The following MAGI2 variants were observed in gnomAD, a reference collection of about 807,000 sequenced individuals.
MAGI2 encodes membrane-associated guanylate kinase, WW and PDZ domain-containing protein 2.
In MAGI2, 35 loss-of-function variants were observed where a neutral mutation model predicts 133.3. The observed-to-expected ratio is 0.26, with a 90% CI of 0.20 to 0.35. MAGI2 has a LOEUF of 0.35. MAGI2 is among the 10% of genes least tolerant of loss of function. MAGI2 has a pLI of 1.00. For missense variants in MAGI2, 1,636 were observed against 1,863.4 expected (o/e 0.88, Z 2.25); for synonymous variants, 729 against 710.6 (o/e 1.03, Z -0.41).
chr7:78,611,396 G>A (rs1029282869), intron 3 of MAGI2, among the ~76,000 whole-genome samples: 2 of 152,168 alleles, frequency 1.3e-5, no homozygotes, highest in South Asian at 2.1e-4. Context: ...AGCCCTCTTA[G>A]TAAATGTCCA....
intron 2 of MAGI2, among the ~76,000 whole-genome samples, chr7:78,669,987 A>AAGCATTCC (rs1290026064): frequency 6.6e-6 from 1 of 151,672 alleles, no homozygotes; most frequent in Non-Finnish European, 1.5e-5. Flanking sequence ...CAAAAACTGG[A>AAGCATTCC]AGCATTCCCT....
At position 79,311,394 on chromosome 7, in the gene MAGI2, G is replaced by A. The variant is rs182150882; in HGVS notation, c.301+141626C>T. ...GCGTTTTAAGAAAATTTATGAATTT[G>A]TGTTGTGCTGCATTCAAAGTCGTCC... On this transcript the variant is annotated intron_variant, in intron 1 of 21. Transcript: ENST00000354212. 2.2e-3 allele frequency among the ~76,000 whole-genome samples: 333 copies of A among 152,200 alleles called. 1 individual carries two copies. The highest frequency in any genetic ancestry group is 3.7e-3 in the Non-Finnish European group (254 of 68,008).
chr7:78,353,827 G>C (rs1461669269), intron 7 of MAGI2, among the ~76,000 whole-genome samples: 1 of 152,170 alleles, frequency 6.6e-6, no homozygotes, highest in African/African-American at 2.4e-5. Flanking sequence ...GGCAATGTGG[G>C]AGCAAGAGGC....
rs542374847 is a variant in MAGI2, at chr7:78,233,002, T to A, written c.2047+22941A>T. ...CAGTGAATATTTATGGAATGAAGAA[T>A]GAGTTAATTGCGATGAGTCATGTGA... On this transcript the variant is annotated intron_variant, in intron 10 of 21. Transcript: ENST00000354212. Among the ~76,000 whole-genome samples the A allele has an allele frequency of 2.6e-5, 4 of 152,266 alleles. No homozygotes were observed. In the South Asian group the frequency reaches 8.3e-4, roughly 32 times the overall value.
At chr7:79,198,444 G>T (rs1562986330) in intron 1 of MAGI2, among the ~76,000 whole-genome samples, 1 of 151,734 alleles carries the variant, frequency 6.6e-6, no homozygotes, top group Non-Finnish European at 1.5e-5. Flanking sequence ...TAGCATTGTT[G>T]TTTCCACTGC....
chr7:78,701,994 A>G (rs1293393405), intron 2 of MAGI2, among the ~76,000 whole-genome samples: 1 of 151,976 alleles, frequency 6.6e-6, no homozygotes, highest in Non-Finnish European at 1.5e-5. Flanking sequence ...AATTCTCATA[A>G]TTCTAGACAA....
intron 1 of MAGI2, among the ~76,000 whole-genome samples, chr7:79,298,543 T>C (rs1331213848): frequency 6.6e-6 from 1 of 152,186 alleles, no homozygotes. Flanking sequence ...TAGTAAATTT[T>C]TTTCATTAAT....
At chr7:78,956,741 G>C (rs1017988826) in intron 2 of MAGI2, among the ~76,000 whole-genome samples, 3 of 152,138 alleles carry the variant, frequency 2.0e-5, no homozygotes, top group Non-Finnish European at 4.4e-5. Context: ...TCTGAAGATA[G>C]TGCCCGTTTT....
At chr7:78,163,355 G>T (rs904755687) in intron 15 of MAGI2, among the ~76,000 whole-genome samples, 6 of 152,208 alleles carry the variant, frequency 3.9e-5, no homozygotes, top group African/African-American at 1.4e-4. Context: ...TAGCCAGGAT[G>T]TTCTCGATCT....
At chr7:78,524,254 C>T (rs994737173) in intron 3 of MAGI2, among the ~76,000 whole-genome samples, 2 of 152,164 alleles carry the variant, frequency 1.3e-5, no homozygotes, top group African/African-American at 2.4e-5. Flanking sequence ...CCTGCTACCC[C>T]GCCCCGGCAG....
At chr7:78,255,234 T>G (rs1223909786) in intron 10 of MAGI2, 1 of 152,942 alleles carries the variant, frequency 6.5e-6, no homozygotes, top group Non-Finnish European at 1.5e-5. Context: ...GGCTCAGAGC[T>G]TCTACCACAC....
At chr7:78,374,320 T>C (rs935885742) in intron 6 of MAGI2, among the ~76,000 whole-genome samples, 11 of 152,096 alleles carry the variant, frequency 7.2e-5, no homozygotes, top group African/African-American at 2.7e-4. Flanking sequence ...ATTAGTGATA[T>C]GGAATATCTT....
At chr7:78,798,676 G>A (rs1787816459) in intron 2 of MAGI2, among the ~76,000 whole-genome samples, 1 of 152,128 alleles carries the variant, frequency 6.6e-6, no homozygotes, top group Admixed American at 6.6e-5. Context: ...TCCCAATGGA[G>A]AACGGCCCAT....
At chr7:78,027,627 C>CA (rs753787460) in intron 21 of MAGI2, among the ~76,000 whole-genome samples, 7,453 of 83,976 alleles carry the variant, frequency 0.089, 555 homozygotes, top group African/African-American at 0.2. Flanking sequence ...GACTCCATCT[C>CA]AAAAAAAAAA....
chr7:78,761,197 G>A (rs544324519), intron 2 of MAGI2, among the ~76,000 whole-genome samples: 5 of 152,298 alleles, frequency 3.3e-5, no homozygotes, highest in Non-Finnish European at 7.4e-5. Context: ...TCTGGGAAGA[G>A]GTAAGATATT....
intron 1 of MAGI2, among the ~76,000 whole-genome samples, chr7:79,367,553 T>C (rs1842778585): frequency 6.6e-6 from 1 of 152,092 alleles, no homozygotes; most frequent in Admixed American, 6.6e-5. Context: ...TAAGTCAATT[T>C]ATCTAAACCT....
At chr7:78,425,597 C>T (rs1191832429) in intron 6 of MAGI2, among the ~76,000 whole-genome samples, 1 of 152,076 alleles carries the variant, frequency 6.6e-6, no homozygotes, top group African/African-American at 2.4e-5. Flanking sequence ...CTGTGTAAGG[C>T]CTAGAAGAGA....
rs113796371 is a variant in MAGI2 at position 78,658,739 on chromosome 7, A to T, written c.419-31500T>A. ...GTTCAACATCATTAGCCATTACAGC[A>T]TTACAAATTAGTACCACAATGAGAT... On this transcript the variant is annotated intron_variant, in intron 2 of 21. Transcript: ENST00000354212. 8.0e-3 allele frequency among the ~76,000 whole-genome samples: 1,224 copies of T among 152,336 alleles called. 20 individuals carry two copies. The highest frequency in any genetic ancestry group is 0.028 in the African/African-American group (1,151 of 41,584).
At chr7:78,296,684 A>T (rs957081522) in intron 9 of MAGI2, among the ~76,000 whole-genome samples, 1 of 152,170 alleles carries the variant, frequency 6.6e-6, no homozygotes, top group Non-Finnish European at 1.5e-5. Context: ...TCTCCACAGC[A>T]TCCTTCTCCA....
Sources: allele counts gnomAD v4.1 joint callset (sites outside exome capture counted in the v4.1 genomes callset), GRCh38; gene constraint gnomAD v4.1.1; transcripts MANE v1.5; gene names NCBI Gene and HGNC (gene_info 2026-07-23, HGNC 2026-07-21).